Variants in MTUS2 observed in about 807,000 individuals in gnomAD.
MTUS2 encodes the protein microtubule-associated tumor suppressor candidate 2.
Under a neutral mutation model 114.1 loss-of-function variants are expected in MTUS2, and 40 were observed. The observed-to-expected ratio is 0.35, with a 90% CI of 0.27 to 0.46. MTUS2 has a LOEUF of 0.46. MTUS2 is among the 20% of genes least tolerant of loss of function. The pLI, the probability that MTUS2 is intolerant of heterozygous loss-of-function variation, is 1.00. For synonymous variants in MTUS2, 688 were observed against 672.0 expected (o/e 1.02, Z -0.37); for missense variants, 1,679 against 1,705.4 (o/e 0.98, Z 0.27).
chr13:29,365,885 C>G (rs1298576093), intron 8 of MTUS2, among the ~76,000 whole-genome samples: 1 of 152,142 alleles, frequency 6.6e-6, no homozygotes, highest in Admixed American at 6.5e-5. Context: ...AAACACAAGT[C>G]AAAGGAAAGA....
chr13:29,421,134 G>A (rs561760894), intron 8 of MTUS2, among the ~76,000 whole-genome samples: 1 of 152,272 alleles, frequency 6.6e-6, no homozygotes, highest in East Asian at 1.9e-4. Context: ...GTGTGTGGAT[G>A]ATCGTAACTA....
chr13:29,372,199 T>G (rs571049308), intron 8 of MTUS2, among the ~76,000 whole-genome samples: 1 of 151,730 alleles, frequency 6.6e-6, no homozygotes, highest in Admixed American at 6.6e-5. Context: ...AGTGTGCACC[T>G]GCCACTTTTC....
intron 5 of MTUS2, among the ~76,000 whole-genome samples, chr13:29,220,725 A>T (rs1351273715): frequency 6.6e-6 from 1 of 152,244 alleles, no homozygotes; most frequent in African/African-American, 2.4e-5. Flanking sequence ...AACAGATATA[A>T]TAACAATGAA....
chr13:29,181,656 A>G (rs1566051763), intron 5 of MTUS2, among the ~76,000 whole-genome samples: 1 of 151,610 alleles, frequency 6.6e-6, no homozygotes, highest in Non-Finnish European at 1.5e-5. Flanking sequence ...CTCGGTTACC[A>G]GGGTTGTTTA....
intron 8 of MTUS2, among the ~76,000 whole-genome samples, chr13:29,387,637 C>T (rs1332845497): frequency 1.3e-5 from 2 of 152,096 alleles, no homozygotes; most frequent in South Asian, 2.1e-4. Flanking sequence ...GAGATGATGG[C>T]GTCCTGGACA....
At chr13:29,406,838 C>T (rs1399495656) in intron 8 of MTUS2, among the ~76,000 whole-genome samples, 1 of 152,214 alleles carries the variant, frequency 6.6e-6, no homozygotes, top group African/African-American at 2.4e-5. Flanking sequence ...TACATACAAA[C>T]TTATATCTTT....
At chr13:29,398,570 A>G (rs1874091977) in intron 8 of MTUS2, among the ~76,000 whole-genome samples, 1 of 152,066 alleles carries the variant, frequency 6.6e-6, no homozygotes, top group Non-Finnish European at 1.5e-5. Flanking sequence ...CTCTCATTCT[A>G]CTATTTACCT....
At chr13:28,829,393 A>G (rs936005050) in intron 1 of MTUS2, among the ~76,000 whole-genome samples, 3 of 152,046 alleles carry the variant, frequency 2.0e-5, no homozygotes, top group East Asian at 1.9e-4. Flanking sequence ...TTAGCCAGGC[A>G]TGGTGGTGTG....
chr13:29,022,474 GCTA>G (rs1886333351), intron 2 of MTUS2, among the ~76,000 whole-genome samples: 1 of 152,232 alleles, frequency 6.6e-6, no homozygotes, highest in Non-Finnish European at 1.5e-5. Context: ...ACAGGTGTGA[GCTA>G]CTGTGTCCAG....
At chr13:28,863,454 C>T (rs1877112833) in intron 2 of MTUS2, among the ~76,000 whole-genome samples, 2 of 152,156 alleles carry the variant, frequency 1.3e-5, no homozygotes, top group African/African-American at 4.8e-5. Context: ...TCTCATATAG[C>T]CCGAGGCTGA....
chr13:29,060,837 GT>G (rs1262315639), intron 4 of MTUS2, among the ~76,000 whole-genome samples: 8 of 136,422 alleles, frequency 5.9e-5, no homozygotes, highest in Non-Finnish European at 1.1e-4. Context: ...GTCTTGCTGT[GT>G]TGCCCAGACT....
chr13:29,036,324 A>G (rs1345739645), intron 4 of MTUS2, among the ~76,000 whole-genome samples: 1 of 152,102 alleles, frequency 6.6e-6, no homozygotes, highest in Non-Finnish European at 1.5e-5. Context: ...CGAAGAAGAA[A>G]CAGTTGGCAC....
At chr13:29,104,162 T>C (rs1890553842) in intron 5 of MTUS2, among the ~76,000 whole-genome samples, 1 of 152,204 alleles carries the variant, frequency 6.6e-6, no homozygotes, top group Admixed American at 6.5e-5. Flanking sequence ...AGTCAGGTGC[T>C]CTTCTATGTC....
In MTUS2 at chr13:29,503,621, A is replaced by T; in HGVS notation, c.*415A>T. On this transcript the variant is annotated 3_prime_UTR_variant, in exon 16 of 16. Coordinates refer to ENST00000612955, the MANE Select transcript of MTUS2 (RefSeq NM_001033602.4). ...TCTGAATTTCATTTTTTATAACATG[A>T]AGTGCTGACATATTTTAGTGAAGGT... The T allele has an allele frequency of 4.0e-6, 1 of 252,266 alleles. No individual in the cohort carries two copies. The highest frequency in any genetic ancestry group is 5.6e-5 in the East Asian group (1 of 17,764). 15.6% of individuals were successfully genotyped at this position (252,266 alleles called of 1,614,324 possible).
At chr13:28,987,413 A>G (rs1884638701) in intron 2 of MTUS2, among the ~76,000 whole-genome samples, 1 of 152,092 alleles carries the variant, frequency 6.6e-6, no homozygotes, top group South Asian at 2.1e-4. Context: ...AGGGGGAGAA[A>G]GCTGGATATC....
At chr13:29,275,148 A>T (rs1898015995) in intron 5 of MTUS2, among the ~76,000 whole-genome samples, 1 of 152,066 alleles carries the variant, frequency 6.6e-6, no homozygotes, top group Non-Finnish European at 1.5e-5. Flanking sequence ...TGAAGCACAA[A>T]TTTTTTATTT....
At chr13:29,218,833 G>C (rs1895786251) in intron 5 of MTUS2, among the ~76,000 whole-genome samples, 1 of 152,098 alleles carries the variant, frequency 6.6e-6, no homozygotes, top group African/African-American at 2.4e-5. Flanking sequence ...TCCAGGCTTT[G>C]TTGTTCCATT....
chr13:28,978,466 G>T (rs1884216279), intron 2 of MTUS2, among the ~76,000 whole-genome samples: 1 of 152,126 alleles, frequency 6.6e-6, no homozygotes. Flanking sequence ...TGAGAAGGGG[G>T]ATATCATTTA....
rs144761263 is a variant in MTUS2 at position 29,407,131 on chromosome 13, A to T, written c.3118-32852A>T. ...CGTGGTGGTGGGCGCCTGTAATCCC[A>T]GCTACTCTAGAGGCTGAGGCAGGAG... is the stretch of plus-strand genomic sequence containing the variant. On this transcript the variant is annotated intron_variant, in intron 8 of 15. Coordinates refer to ENST00000612955, the MANE Select transcript of MTUS2 (RefSeq NM_001033602.4). 1.3e-4 allele frequency among the ~76,000 whole-genome samples: 20 copies of T among 152,304 alleles called. No individual in the cohort carries two copies. In the East Asian group the frequency reaches 3.9e-3, roughly 30 times the overall value.
Sources: gnomAD v4.1 joint callset for allele counts (sites outside exome capture counted in the v4.1 genomes callset) on GRCh38, gnomAD v4.1.1 for gene constraint, MANE v1.5 for transcripts, NCBI Gene and HGNC (gene_info 2026-07-23, HGNC 2026-07-21) for gene names.